The following AGAP1 variants were observed in gnomAD, a reference collection of about 807,000 sequenced individuals.
The protein encoded by AGAP1 is ArfGAP with GTPase domain, ankyrin repeat and PH domain 1.
In AGAP1, 29 loss-of-function variants were observed where a neutral mutation model predicts 105.3. The observed-to-expected ratio is 0.28, with a 90% confidence interval of 0.21 to 0.38. The LOEUF (loss-of-function observed/expected upper bound fraction) is 0.38. Among genes scored for constraint, AGAP1 ranks in the 10% least tolerant of loss-of-function variants. The pLI is 1.00. For missense variants in AGAP1, 998 were observed against 1,165.1 expected (o/e 0.86, Z 2.09); for synonymous variants, 509 against 485.9 (o/e 1.05, Z -0.63).
At chr2:236,110,138 TG>T (rs1461088024) in intron 16 of AGAP1, among the ~76,000 whole-genome samples, 1 of 152,168 alleles carries the variant, frequency 6.6e-6, no homozygotes, top group Admixed American at 6.6e-5. Flanking sequence ...TCCTCTAAGA[TG>T]GGGGTAAGAA....
chr2:235,968,607 G>C lies in AGAP1; in HGVS notation c.1629G>C (p.Leu543=), dbSNP rs751920845. The change falls in exon 13 of 18, where the codon CTG becomes CTC. Residue 543 remains leucine (L), a synonymous_variant. Transcript: ENST00000304032. ...KSTSNFKADG[L]SGTAEEQEEN... Reference sequence around the variant, plus strand: ...CTAGCAACTTCAAAGCCGACGGCCTGTCCGGCACTGCTGAAGGTAAGGGTT... The same window carrying C: ...CTAGCAACTTCAAAGCCGACGGCCTCTCCGGCACTGCTGAAGGTAAGGGTT... The C allele has an allele frequency of 1.5e-5, 24 of 1,608,932 alleles. No homozygotes were observed. In the South Asian group the frequency reaches 2.0e-4, roughly 13 times the overall value.
At chr2:236,100,688 C>T (rs1048219866) in intron 16 of AGAP1, among the ~76,000 whole-genome samples, 6 of 151,986 alleles carry the variant, frequency 3.9e-5, no homozygotes, top group African/African-American at 7.3e-5. Flanking sequence ...ATTAGCCAGA[C>T]GTGGTGTGGT....
intron 16 of AGAP1, among the ~76,000 whole-genome samples, chr2:236,067,653 AG>A: frequency 6.6e-6 from 1 of 152,346 alleles, no homozygotes; most frequent in South Asian, 2.1e-4. Context: ...GATGTGGCCA[AG>A]ACTGGGAGTA....
chr2:236,016,001 C>T (rs1024271958), intron 13 of AGAP1, among the ~76,000 whole-genome samples: 1 of 151,392 alleles, frequency 6.6e-6, no homozygotes, highest in African/African-American at 2.4e-5. Flanking sequence ...CACAATTACT[C>T]CTGTCTTGCC....
At chr2:235,527,171 C>T (rs750756547) in intron 1 of AGAP1, among the ~76,000 whole-genome samples, 10 of 152,112 alleles carry the variant, frequency 6.6e-5, no homozygotes, top group Admixed American at 2.0e-4. Context: ...CGGTGGGTGA[C>T]ATCTGATGAG....
rs1956691896 is a variant in AGAP1, at chr2:235,787,134, T to C, written c.674-10625T>C. 6.6e-6 allele frequency among the ~76,000 whole-genome samples: 1 copy of C among 152,210 alleles called. No individual in the cohort carries two copies. The highest frequency in any genetic ancestry group is 1.5e-5 in the Non-Finnish European group (1 of 68,046). On this transcript the variant is annotated intron_variant, in intron 6 of 17. Transcript: ENST00000304032. The surrounding 1 kb of genome is among the most constrained non-coding windows in gnomAD (Gnocchi z 4.4). ...ATCAGTGGGCTCCGGTTCTCACTTC[T>C]TGTCTTTGAGTTCTCAGGCTTCTCC...
intron 1 of AGAP1, among the ~76,000 whole-genome samples, chr2:235,686,612 G>GAGATAT (rs1205125130): frequency 5.3e-5 from 3 of 56,792 alleles, no homozygotes; most frequent in Non-Finnish European, 9.3e-5. Flanking sequence ...TATATACGTG[G>GAGATAT]AGATATAGAT....
chr2:235,883,011 G>A lies in AGAP1; in HGVS notation c.1051-334G>A, dbSNP rs1043356603. Among the ~76,000 whole-genome samples, 22 of 151,850 alleles carry A rather than the reference G, an allele frequency of 1.4e-4. No homozygotes were observed. Among genetic ancestry groups the A allele is most frequent in the African/African-American group, 4.8e-4 (20 of 41,302 alleles). ...TTATTTATTTATTTTTTTAGAGATG[G>A]GGGTGTCAGCATCTTACCCAGGCTG... On this transcript the variant is annotated intron_variant, in intron 9 of 17. Coordinates refer to ENST00000304032, the MANE Select transcript of AGAP1 (RefSeq NM_001037131.3). The surrounding 1 kb of genome is among the most constrained non-coding windows in gnomAD (Gnocchi z 4.5).
rs992160560 is a variant in AGAP1, at chr2:236,121,994, C to G, written c.2370+1547C>G. Among the ~76,000 whole-genome samples, 9 of 150,560 alleles carry G rather than the reference C, an allele frequency of 6.0e-5. No individual in the cohort carries two copies. Among genetic ancestry groups the G allele is most frequent in the African/African-American group, 2.2e-4 (9 of 40,888 alleles). The stretch of plus-strand genomic sequence containing the variant: ...TGGGACAAAGTCTTGCTCTGTCGTC[C>G]AGGCTGGAGTGCAGTGGCACAATCA... On this transcript the variant is annotated intron_variant, in intron 17 of 17. Transcript: ENST00000304032. This position sits in a 1 kb window ranked among gnomAD's most constrained non-coding sequence, Gnocchi z 4.9.
rs1049946490 is a variant in AGAP1, at chr2:235,973,778, G to A, written c.1645+5155G>A. Among the ~76,000 whole-genome samples the A allele has an allele frequency of 3.9e-5, 6 of 152,250 alleles. No individual in the cohort carries two copies. The highest frequency in any genetic ancestry group is 2.1e-4 in the South Asian group (1 of 4,814). On this transcript the variant is annotated intron_variant, in intron 13 of 17. Transcript: ENST00000304032. This position sits in a 1 kb window ranked among gnomAD's most constrained non-coding sequence, Gnocchi z 4.7. ...GGGCCACCTGAGAGGGAGTGACCCC[G>A]ACCCTGCATGGGGTCGGCATGGGTT...
rs991103538 is a variant in AGAP1 at position 236,002,804 on chromosome 2, T to A, written c.1646-33757T>A. On this transcript the variant is annotated intron_variant, in intron 13 of 17. Coordinates refer to ENST00000304032, the MANE Select transcript of AGAP1 (RefSeq NM_001037131.3). The surrounding 1 kb of genome is among the most constrained non-coding windows in gnomAD (Gnocchi z 4.3). ...TATTAGATTTCTATAAATATAAATA[T>A]TTATATGATATTTCTTGCGTTGAAT... Among the ~76,000 whole-genome samples, 1 of 152,100 alleles carries A rather than the reference T, an allele frequency of 6.6e-6. No individual in the cohort carries two copies. Among genetic ancestry groups the A allele is most frequent in the Non-Finnish European group, 1.5e-5 (1 of 68,010 alleles).
Position 235,689,201 on chromosome 2 carries a change from G to A in AGAP1, c.164-19978G>A, listed in dbSNP as rs2149434556. Among the ~76,000 whole-genome samples the A allele has an allele frequency of 6.6e-6, 1 of 152,324 alleles. No homozygotes were observed. The highest frequency in any genetic ancestry group is 1.5e-5 in the Non-Finnish European group (1 of 68,036). On this transcript the variant is annotated intron_variant, in intron 1 of 17. Transcript: ENST00000304032. The surrounding 1 kb of genome is among the most constrained non-coding windows in gnomAD (Gnocchi z 4.2). ...GTGCTGCCTTCGGTAGATGGCCCCG[G>A]CCCTGCCTATGCCTTGGACACTCTT...
chr2:236,108,235 G>A (rs1381776682), intron 16 of AGAP1, among the ~76,000 whole-genome samples: 6 of 152,190 alleles, frequency 3.9e-5, no homozygotes, highest in African/African-American at 1.2e-4. Flanking sequence ...TTCCCCTACC[G>A]AGAAAGGAAG....
intron 1 of AGAP1, among the ~76,000 whole-genome samples, chr2:235,640,375 G>A (rs1230060781): frequency 1.3e-5 from 2 of 152,206 alleles, no homozygotes; most frequent in African/African-American, 2.4e-5. Context: ...AAATTCAAGG[G>A]TCCAGGGAGG....
chr2:235,827,408 C>G (rs1959131547), intron 9 of AGAP1, among the ~76,000 whole-genome samples: 1 of 152,070 alleles, frequency 6.6e-6, no homozygotes, highest in Non-Finnish European at 1.5e-5. Flanking sequence ...CGGCGTAGCT[C>G]CAAGGTGATG....
intron 10 of AGAP1, among the ~76,000 whole-genome samples, chr2:235,903,029 A>G (rs1322568880): frequency 6.6e-6 from 1 of 152,212 alleles, no homozygotes; most frequent in African/African-American, 2.4e-5. Context: ...TGTTTGCACC[A>G]TCAAAACAAA....
chr2:235,701,102 T>C lies in AGAP1; in HGVS notation c.164-8077T>C, dbSNP rs916936491. ...TATGTATATATTATATACTCTATAA[T>C]ATAGTTATATGTACATATTATATAT... On this transcript the variant is annotated intron_variant, in intron 1 of 17. Coordinates refer to ENST00000304032, the MANE Select transcript of AGAP1 (RefSeq NM_001037131.3). This position sits in a 1 kb window ranked among gnomAD's most constrained non-coding sequence, Gnocchi z 4.1. Among the ~76,000 whole-genome samples, 1 of 146,398 alleles carries C rather than the reference T, an allele frequency of 6.8e-6. No individual in the cohort carries two copies. The highest frequency in any genetic ancestry group is 2.5e-5 in the African/African-American group (1 of 39,956).
Position 235,600,931 on chromosome 2 carries a change from C to T in AGAP1, c.163+106082C>T, listed in dbSNP as rs982289688. ...CCATTGTTTCACCTGCAGCCTCCCC[C>T]ATCTCAGCTGGTGCTCACTTTATTT... On this transcript the variant is annotated intron_variant, in intron 1 of 17. Transcript: ENST00000304032. This position sits in a 1 kb window ranked among gnomAD's most constrained non-coding sequence, Gnocchi z 4.8. Among the ~76,000 whole-genome samples, 2 of 152,208 alleles carry T rather than the reference C, an allele frequency of 1.3e-5. No homozygotes were observed. The highest frequency in any genetic ancestry group is 2.9e-5 in the Non-Finnish European group (2 of 68,042).
At chr2:235,636,183 A>G (rs193113814) in intron 1 of AGAP1, among the ~76,000 whole-genome samples, 2 of 152,048 alleles carry the variant, frequency 1.3e-5, no homozygotes, top group African/African-American at 2.4e-5. Flanking sequence ...AAAAGATTCT[A>G]AAGAGAAAGG....
Sources: gnomAD v4.1 joint callset for allele counts (sites outside exome capture counted in the v4.1 genomes callset) on GRCh38, gnomAD v4.1.1 for gene constraint, Gnocchi (gnomAD v3.1) non-coding constraint, MANE v1.5 for transcripts, NCBI Gene and HGNC (gene_info 2026-07-23, HGNC 2026-07-21) for gene names.